The following PRICKLE2 variants were observed in gnomAD, a reference collection of about 807,000 sequenced individuals.
PRICKLE2 encodes the protein prickle planar cell polarity protein 2.
In PRICKLE2, 21 loss-of-function variants were observed where a neutral mutation model predicts 81.4. The ratio of observed to expected loss-of-function variants is 0.26; its 90% CI spans 0.18 to 0.37. The LOEUF (loss-of-function observed/expected upper bound fraction) is 0.37, where lower values mean the gene tolerates loss of function less well. Ranked by LOEUF, PRICKLE2 falls within the 10% of genes least tolerant of loss-of-function variation. PRICKLE2 has a pLI of 1.00. For missense variants in PRICKLE2, 940 were observed against 1,109.0 expected (o/e 0.85, Z 2.16); for synonymous variants, 456 against 421.5 (o/e 1.08, Z -1.00).
intron 2 of PRICKLE2, among the ~76,000 whole-genome samples, chr3:64,250,912 C>T (rs2079438242): frequency 6.6e-6 from 1 of 152,272 alleles, no homozygotes; most frequent in East Asian, 1.9e-4. Flanking sequence ...GTTCTAAACT[C>T]AATGTGGCCT....
intron 7 of PRICKLE2, among the ~76,000 whole-genome samples, chr3:64,116,716 C>A (rs963522738): frequency 6.6e-6 from 1 of 152,052 alleles, no homozygotes; most frequent in Non-Finnish European, 1.5e-5. Context: ...AGCCTACCAA[C>A]CAAAAAAAGC....
chr3:64,107,088 T>C (rs1559511387), intron 7 of PRICKLE2, among the ~76,000 whole-genome samples: 4 of 152,302 alleles, frequency 2.6e-5, no homozygotes, highest in East Asian at 1.9e-4. Context: ...TCAGTGTGAC[T>C]GGGAGCTACG....
At chr3:64,232,945 C>A (rs907286658) in intron 2 of PRICKLE2, among the ~76,000 whole-genome samples, 29 of 152,168 alleles carry the variant, frequency 1.9e-4, no homozygotes, top group Non-Finnish European at 4.1e-4. Flanking sequence ...GTTTGCTTCA[C>A]GTTTTTGCAA....
At position 64,198,475 on chromosome 3, in the gene PRICKLE2, A is replaced by G. The variant is rs1178344263; in HGVS notation, c.144+309T>C. 2.6e-5 allele frequency among the ~76,000 whole-genome samples: 4 copies of G among 152,114 alleles called. 1 individual carries two copies. Among genetic ancestry groups the G allele is most frequent in the African/African-American group, 9.7e-5 (4 of 41,410 alleles). On this transcript the variant is annotated intron_variant, in intron 2 of 7. Coordinates refer to ENST00000638394, the MANE Select transcript of PRICKLE2 (RefSeq NM_198859.4). ...TGGGGCTGGTAGAGGAGAAAATTTG[A>G]AGTACCAAGAAATACAAGAGGCTGT... is the stretch of plus-strand genomic sequence containing the variant.
chr3:64,155,561 T>C (rs2077621112), intron 5 of PRICKLE2, among the ~76,000 whole-genome samples: 1 of 152,122 alleles, frequency 6.6e-6, no homozygotes, highest in Admixed American at 6.5e-5. Context: ...GAACTAAAAA[T>C]ATATGTACAC....
At chr3:64,242,320 G>A (rs901662612) in intron 2 of PRICKLE2, among the ~76,000 whole-genome samples, 3 of 152,170 alleles carry the variant, frequency 2.0e-5, no homozygotes, top group Non-Finnish European at 2.9e-5. Context: ...TGAACTAAGC[G>A]CAGCATATCC....
At chr3:64,252,514 C>T in intron 2 of PRICKLE2, among the ~76,000 whole-genome samples, 1 of 152,132 alleles carries the variant, frequency 6.6e-6, no homozygotes, top group East Asian at 1.9e-4. Context: ...GATTCTTTAC[C>T]TCTAAAAAGT....
At chr3:64,253,344 C>G (rs2079477209) in intron 2 of PRICKLE2, among the ~76,000 whole-genome samples, 1 of 152,128 alleles carries the variant, frequency 6.6e-6, no homozygotes, top group Non-Finnish European at 1.5e-5. Flanking sequence ...ATGTTTGACT[C>G]CTGAGTTCTT....
chr3:64,153,796 C>T, intron 5 of PRICKLE2: 1 of 229,260 alleles, frequency 4.4e-6, no homozygotes, highest in Non-Finnish European at 8.7e-6. Context: ...TTGCAATGCT[C>T]AGTGCACATT....
chr3:64,217,204 A>G (rs980550007), intron 1 of PRICKLE2, among the ~76,000 whole-genome samples: 1 of 152,118 alleles, frequency 6.6e-6, no homozygotes, highest in African/African-American at 2.4e-5. Flanking sequence ...CTGGAGAAAG[A>G]CCCTACATCA....
chr3:64,099,627 C>G lies in PRICKLE2; in HGVS notation c.1959G>C (p.Lys653Asn). The G allele has an allele frequency of 6.2e-7, 1 of 1,614,114 alleles. No individual in the cohort carries two copies. The highest frequency in any genetic ancestry group is 8.5e-7 in the Non-Finnish European group (1 of 1,180,038). The change falls in exon 8 of 8, where the codon AAG becomes AAC. Residue 653 changes from lysine (K) to asparagine (N), a missense_variant. This residue lies in a region of PRICKLE2 where 670 missense variants were observed against 717.2 expected (regional missense o/e 0.93). Transcript: ENST00000638394. The surrounding 1 kb of genome is among the most constrained non-coding windows in gnomAD (Gnocchi z 4.3). ...FDFDGGMAGS[K>N]LPGQEGVRIQ... ...TCCTCACGCCCTCCTGCCCTGGCAG[C>G]TTGCTGCCCGCCATCCCTCCATCAA...
chr3:64,115,298 T>C (rs376017875), intron 7 of PRICKLE2, among the ~76,000 whole-genome samples: 26 of 152,250 alleles, frequency 1.7e-4, no homozygotes, highest in East Asian at 1.5e-3. Context: ...TAAACAAGTT[T>C]GCAAAATAAC....
chr3:64,131,502 T>C (rs2077195951), intron 7 of PRICKLE2, among the ~76,000 whole-genome samples: 1 of 152,248 alleles, frequency 6.6e-6, no homozygotes, highest in African/African-American at 2.4e-5. Flanking sequence ...AATCAACTTC[T>C]GTTTAGCCAT....
chr3:64,265,985 C>T (rs1359412527), intron 2 of PRICKLE2, among the ~76,000 whole-genome samples: 6 of 151,894 alleles, frequency 4.0e-5, no homozygotes, highest in Non-Finnish European at 8.8e-5. Context: ...GAAGTACAAC[C>T]CCGAAAATAA....
intron 1 of PRICKLE2, among the ~76,000 whole-genome samples, chr3:64,220,830 T>C (rs1575682774): frequency 1.3e-5 from 2 of 152,160 alleles, no homozygotes; most frequent in African/African-American, 2.4e-5. Context: ...TTGATCTTTA[T>C]AGACTTCATA....
At chr3:64,240,803 C>T (rs1383975054) in intron 2 of PRICKLE2, among the ~76,000 whole-genome samples, 3 of 152,180 alleles carry the variant, frequency 2.0e-5, no homozygotes, top group Non-Finnish European at 4.4e-5. Flanking sequence ...ATTTGAGTTT[C>T]CACAAGCTCT....
At chr3:64,224,279 C>A (rs1021585156) in intron 1 of PRICKLE2, among the ~76,000 whole-genome samples, 1 of 152,130 alleles carries the variant, frequency 6.6e-6, no homozygotes, top group Non-Finnish European at 1.5e-5. Context: ...ACCCCCATGG[C>A]AAATTAGTAA....
chr3:64,195,175 C>T (rs1036775794), intron 2 of PRICKLE2, among the ~76,000 whole-genome samples: 1 of 152,234 alleles, frequency 6.6e-6, no homozygotes, highest in African/African-American at 2.4e-5. Context: ...AACAACTTCT[C>T]TGATCAGTTT....
At chr3:64,149,019 C>A (rs937525376) in intron 6 of PRICKLE2, among the ~76,000 whole-genome samples, 5 of 152,206 alleles carry the variant, frequency 3.3e-5, no homozygotes, top group Non-Finnish European at 7.3e-5. Flanking sequence ...AAAGCTACTG[C>A]CCCTCTGGGA....
Sources: allele counts gnomAD v4.1 joint callset (sites outside exome capture counted in the v4.1 genomes callset), GRCh38; gene constraint gnomAD v4.1.1; regional missense constraint gnomAD v4.1.1; non-coding constraint Gnocchi (gnomAD v3.1); transcripts MANE v1.5; gene names NCBI Gene and HGNC (gene_info 2026-07-23, HGNC 2026-07-21).